The following SIRPG variants were observed in gnomAD, a reference collection of about 807,000 sequenced individuals.
SIRPG encodes signal-regulatory protein gamma.
SIRPG carries 38 observed loss-of-function variants against 35.7 expected under a neutral mutation model. The ratio of observed to expected loss-of-function variants is 1.06; its 90% CI spans 0.82 to 1.40. The LOEUF (loss-of-function observed/expected upper bound fraction) is 1.40. Among genes scored for constraint, SIRPG ranks in the 40% most tolerant of loss-of-function variants. The pLI is 0.00. For missense variants in SIRPG, 519 were observed against 483.0 expected (o/e 1.07, Z -0.70); for synonymous variants, 215 against 190.4 (o/e 1.13, Z -1.06).
Position 1,649,355 on chromosome 20 carries a change from C to A in SIRPG, c.127G>T (p.Val43Phe). Residue 43 changes from valine (V) to phenylalanine (F), a missense_variant, in exon 2 of 6, where the codon GTC (valine) becomes TTC (phenylalanine). Physicochemically the swap from Val to Phe is conservative, Grantham distance 50. Transcript: ENST00000303415. ...AGAGTGGCTGTCTTTCCAACTGTGA[C>A]CAACAGGAGCTTCTCAGGCTGAATC... ...QMIQPEKLLL[V>F]TVGKTATLHC... 6.2e-7 allele frequency: 1 copy of A among 1,613,858 alleles called. No homozygotes were observed. The highest frequency in any genetic ancestry group is 8.5e-7 in the Non-Finnish European group (1 of 1,179,880).
intron 1 of SIRPG, 55 bp from the exon 2 acceptor site, chr20:1,649,463 C>T: frequency 1.4e-6 from 2 of 1,477,962 alleles, no homozygotes; most frequent in Admixed American, 2.0e-5. Flanking sequence ...CCTGTATTTC[C>T]TCATGTTTAT....
Position 1,649,071 on chromosome 20 carries a change from GC to G in SIRPG, c.410del (p.Gly137AlafsTer28). ...PENVEFKSGP[G>X]TEMALGAKPS... ...ACTCACCACCCAAAGCCATCTCAGT[GC>G]CTGGTCCAGACTTAAACTCCACGTT... is the stretch of plus-strand genomic sequence containing the variant. On this transcript the variant is annotated frameshift_variant, in exon 2 of 6. Coordinates refer to ENST00000303415, the MANE Select transcript of SIRPG (RefSeq NM_018556.4). LOFTEE classifies it high-confidence loss of function. 2 of 1,613,764 alleles carry G rather than the reference GC, an allele frequency of 1.2e-6. No individual in the cohort carries two copies. Among genetic ancestry groups the G allele is most frequent in the Non-Finnish European group, 1.7e-6 (2 of 1,179,740 alleles).
At chr20:1,685,430 C>T in the SIRPG span, among the ~76,000 whole-genome samples, 1 of 151,958 alleles carries the variant, frequency 6.6e-6, no homozygotes, top group Non-Finnish European at 1.5e-5. Flanking sequence ...GAGATGAGGA[C>T]ACAGACACAC....
chr20:1,668,396 C>T, the SIRPG span, among the ~76,000 whole-genome samples: 1 of 151,856 alleles, frequency 6.6e-6, no homozygotes, highest in Non-Finnish European at 1.5e-5. Flanking sequence ...GATTCTTCTG[C>T]TTCAGCTTCC....
intron 2 of SIRPG, among the ~76,000 whole-genome samples, chr20:1,645,187 C>T (rs2091888991): frequency 6.6e-6 from 1 of 152,128 alleles, no homozygotes; most frequent in African/African-American, 2.4e-5. Context: ...GGGAGGGGTC[C>T]TGGCCAGGGC....
intron 2 of SIRPG, among the ~76,000 whole-genome samples, chr20:1,643,027 G>A (rs150890388): frequency 1.1e-4 from 17 of 152,204 alleles, no homozygotes; most frequent in African/African-American, 3.9e-4. Context: ...TGACCTTGGA[G>A]AGTCTGATTA....
intron 1 of SIRPG, among the ~76,000 whole-genome samples, chr20:1,653,550 T>C (rs974111694): frequency 6.6e-6 from 1 of 152,162 alleles, no homozygotes; most frequent in African/African-American, 2.4e-5. Context: ...GTCACCTGTA[T>C]CCCCACATTT....
intron 2 of SIRPG, among the ~76,000 whole-genome samples, chr20:1,644,887 G>A (rs953164632): frequency 6.6e-6 from 1 of 152,188 alleles, no homozygotes; most frequent in African/African-American, 2.4e-5. Context: ...AGTCAATTCT[G>A]ATGTCAGAAC....
chr20:1,684,404 A>ATC, the SIRPG span, among the ~76,000 whole-genome samples: 1 of 147,072 alleles, frequency 6.8e-6, no homozygotes, highest in Non-Finnish European at 1.5e-5. Context: ...ATACACACAT[A>ATC]TATATATGTA....
the SIRPG span, chr20:1,671,056 C>G: frequency 4.7e-6 from 2 of 425,684 alleles, no homozygotes; most frequent in Non-Finnish European, 9.5e-6. Context: ...GATCTGGAAG[C>G]CTGAGAGCTC....
intron 2 of SIRPG, among the ~76,000 whole-genome samples, chr20:1,638,747 G>A (rs764144988): frequency 6.6e-6 from 1 of 151,850 alleles, no homozygotes; most frequent in African/African-American, 2.4e-5. Flanking sequence ...TTAGCTATTT[G>A]TCCTAATGCT....
chr20:1,650,004 G>GTATATATATATATATATA (rs71193923), intron 1 of SIRPG, among the ~76,000 whole-genome samples: 84 of 98,772 alleles, frequency 8.5e-4, no homozygotes, highest in African/African-American at 3.0e-3. Context: ...TTTGAAGTGT[G>GTATATATATATATATATA]TATATATATA....
the SIRPG span, among the ~76,000 whole-genome samples, chr20:1,668,171 TTTTC>T: frequency 4.6e-4 from 29 of 62,926 alleles, no homozygotes; most frequent in East Asian, 0.014. Flanking sequence ...TTTTCTTTTC[TTTTC>T]TTTCTTTCTT....
chr20:1,685,499 A>G, the SIRPG span, among the ~76,000 whole-genome samples: 1 of 152,190 alleles, frequency 6.6e-6, no homozygotes, highest in South Asian at 2.1e-4. Context: ...CGAGCCAGTA[A>G]GAAAGACCTC....
chr20:1,657,319 G>A (rs374433615), intron 1 of SIRPG, among the ~76,000 whole-genome samples: 1 of 152,188 alleles, frequency 6.6e-6, no homozygotes, highest in Non-Finnish European at 1.5e-5. Flanking sequence ...TCTTAAAGAG[G>A]AGGAGGGCAC....
chr20:1,656,541 G>A (rs374582350), intron 1 of SIRPG, among the ~76,000 whole-genome samples: 9 of 152,276 alleles, frequency 5.9e-5, no homozygotes, highest in Admixed American at 3.3e-4. Context: ...CATCACAGCA[G>A]GGCCCAGTGG....
intron 4 of SIRPG, among the ~76,000 whole-genome samples, chr20:1,634,277 G>A (rs1434077261): frequency 2.7e-5 from 4 of 149,800 alleles, no homozygotes; most frequent in Non-Finnish European, 5.9e-5. Flanking sequence ...CATGATCTCG[G>A]CTCACTGCAA....
intron 1 of SIRPG, chr20:1,651,394 AC>A (rs1209935253): frequency 6.6e-6 from 1 of 152,096 alleles, no homozygotes; most frequent in Non-Finnish European, 1.5e-5. Context: ...GGTGTCCTCC[AC>A]CCTGACTCCC....
chr20:1,639,572 G>A (rs1380485377), intron 2 of SIRPG, among the ~76,000 whole-genome samples: 2 of 152,056 alleles, frequency 1.3e-5, no homozygotes, highest in East Asian at 3.9e-4. Flanking sequence ...TCTGTAGGTT[G>A]CCTGTTCACT....
Sources: gnomAD v4.1 joint callset for allele counts (sites outside exome capture counted in the v4.1 genomes callset) on GRCh38, gnomAD v4.1.1 for gene constraint, MANE v1.5 for transcripts, NCBI Gene and HGNC (gene_info 2026-07-23, HGNC 2026-07-21) for gene names.